The following NEUROD2 variants were observed in gnomAD, a reference collection of about 807,000 sequenced individuals.
The protein encoded by NEUROD2 is neuronal differentiation 2, also known as neurogenic differentiation factor 2.
Under a neutral mutation model 9.3 loss-of-function variants are expected in NEUROD2, and 5 were observed. That is an observed-to-expected ratio of 0.54 (90% CI 0.28 to 1.13). The LOEUF is 1.13. Ranked by LOEUF, NEUROD2 falls within the 50% of genes most tolerant of loss-of-function variation. The pLI, the probability that NEUROD2 is intolerant of heterozygous loss-of-function variation, is 0.10. For missense variants in NEUROD2, 376 were observed against 549.2 expected, an observed-to-expected ratio of 0.68 and a Z score of 3.15; for synonymous variants, 277 against 257.3, an observed-to-expected ratio of 1.08 and a Z score of -0.73.
chr17:39,606,705 C>G lies in NEUROD2; in HGVS notation c.-5-101G>C, dbSNP rs1364055719. On this transcript the variant is annotated intron_variant, in intron 1 of 1. Coordinates refer to ENST00000302584, the MANE Select transcript of NEUROD2 (RefSeq NM_006160.4). The surrounding 1 kb of genome is among the most constrained non-coding windows in gnomAD (Gnocchi z 7.8). ...CCACAACCCTCCTCCACCCCCGAGTCTCGTGCGGGCTCCTGCCTAGGCTAC... is the reference window on the plus strand; with the variant it reads ...CCACAACCCTCCTCCACCCCCGAGTGTCGTGCGGGCTCCTGCCTAGGCTAC... 10 of 1,247,358 alleles carry G rather than the reference C, an allele frequency of 8.0e-6. No homozygotes were observed. The highest frequency in any genetic ancestry group is 1.6e-5 in the African/African-American group (1 of 62,538). 77.3% of individuals were successfully genotyped at this position (1,247,358 alleles called of 1,614,324 possible). A position where few individuals can be genotyped will look rare whatever the true frequency, so the allele number is the denominator to read the frequency against.
At position 39,604,755 on chromosome 17, in the gene NEUROD2, CTTTTTTTTTTTTTTTTTTTTTTTTT is replaced by C. The variant is rs67001366; in HGVS notation, c.*671_*695del. On this transcript the variant is annotated 3_prime_UTR_variant, in exon 2 of 2. Transcript: ENST00000302584. ...GCGTTCGGCTTCCGTCGCCTCTTAG[CTTTTTTTTTTTTTTTTTTTTTTTTT>C]TTTTTTTTTTTTTTTGTATGTTTGT... is the stretch of plus-strand genomic sequence containing the variant. 2.2e-4 allele frequency: 5 copies of C among 22,344 alleles called. No homozygotes were observed. The highest frequency in any genetic ancestry group is 2.3e-3 in the South Asian group (1 of 432). The allele number at this position is 22,344 out of a possible 1,614,324, so 1.4% of individuals were successfully genotyped here.
rs1258364506 is a variant in NEUROD2 at position 39,603,802 on chromosome 17, T to C, written c.*1649A>G. 1 of 152,770 alleles carries C rather than the reference T, an allele frequency of 6.5e-6. No homozygotes were observed. Among genetic ancestry groups the C allele is most frequent in the Non-Finnish European group, 1.5e-5 (1 of 68,044 alleles). 9.5% of individuals were successfully genotyped at this position (152,770 alleles called of 1,614,324 possible). On this transcript the variant is annotated 3_prime_UTR_variant, in exon 2 of 2. Coordinates refer to ENST00000302584, the MANE Select transcript of NEUROD2 (RefSeq NM_006160.4). ...GCATCTCATTTACATAAATATTTATTAATCGTCATTAAACTGAACAGAAAC... is the reference window on the plus strand; with the variant it reads ...GCATCTCATTTACATAAATATTTATCAATCGTCATTAAACTGAACAGAAAC...
At position 39,605,487 on chromosome 17, in the gene NEUROD2, G is replaced by C; in HGVS notation, c.1113C>G (p.Pro371=). The change falls in exon 2 of 2, where the codon CCC becomes CCG. Residue 371 remains proline, a synonymous_variant. Transcript: ENST00000302584. The surrounding 1 kb of genome is among the most constrained non-coding windows in gnomAD (Gnocchi z 6.8). ...YDMHLHHDRG[P]MYEELNAFFH... ...AAAACGCATTGAGCTCCTCGTACATGGGGCCCCGGTCGTGGTGAAGGTGCA... is the reference window on the plus strand; with the variant it reads ...AAAACGCATTGAGCTCCTCGTACATCGGGCCCCGGTCGTGGTGAAGGTGCA... 1 of 1,606,350 alleles carries C rather than the reference G, an allele frequency of 6.2e-7. No homozygotes were observed. The highest frequency in any genetic ancestry group is 1.7e-4 in the Middle Eastern group (1 of 6,026).
In NEUROD2 at chr17:39,605,287, AC is replaced by A; in HGVS notation, c.*163del. 1.1e-6 allele frequency: 1 copy of A among 912,724 alleles called. No homozygotes were observed. Among genetic ancestry groups the A allele is most frequent in the East Asian group, 2.8e-5 (1 of 35,484 alleles). The allele number at this position is 912,724 out of a possible 1,614,324, so 56.5% of individuals were successfully genotyped here. A position where few individuals can be genotyped will look rare whatever the true frequency, so the allele number is the denominator to read the frequency against. On this transcript the variant is annotated 3_prime_UTR_variant, in exon 2 of 2. Coordinates refer to ENST00000302584, the MANE Select transcript of NEUROD2 (RefSeq NM_006160.4). The surrounding 1 kb of genome is among the most constrained non-coding windows in gnomAD (Gnocchi z 6.8). ...GGAAGCGAGGCCCCTGGGACAGGCC[AC>A]CCACAGGTAACAGGACTGCGCTGCC...
rs925523659 is a variant in NEUROD2 at position 39,607,657 on chromosome 17, C to G, written c.-6+71G>C. The G allele has an allele frequency of 6.1e-6, 6 of 985,138 alleles. No individual in the cohort carries two copies. In the South Asian group the frequency reaches 2.3e-4, roughly 39 times the overall value. 61.0% of individuals were successfully genotyped at this position (985,138 alleles called of 1,614,324 possible). A position where few individuals can be genotyped will look rare whatever the true frequency, so the allele number is the denominator to read the frequency against. ...CAGGAAGGAGGTATTTGAGGACCCT[C>G]CTGTCGGCCGAAGCTGCCGCCCCTC... On this transcript the variant is annotated intron_variant, in intron 1 of 1. Transcript: ENST00000302584.
intron 1 of NEUROD2, chr17:39,607,445 G>T: frequency 4.3e-6 from 1 of 231,620 alleles, no homozygotes; most frequent in Non-Finnish European, 7.1e-6. Flanking sequence ...CAGGCTTTTT[G>T]GGACAACCAT....
In NEUROD2 at chr17:39,606,478, G is replaced by A; in HGVS notation, c.122C>T (p.Pro41Leu). 1 of 1,536,720 alleles carries A rather than the reference G, an allele frequency of 6.5e-7. No homozygotes were observed. The highest frequency in any genetic ancestry group is 8.7e-7 in the Non-Finnish European group (1 of 1,147,700). ...CGGAGCCCCTGGCCCGGGCGCAGGC[G>A]GTGGCGGTGGCGGCGCGTCGCCCTT... ...SDKGDAPPPP[P>L]PAPGPGAPGP... is the part of the protein sequence containing the mutation. The change falls in exon 2 of 2, where the codon CCG (proline) becomes CTG (leucine). Residue 41 changes from proline to leucine, a missense_variant. By Grantham distance (98) the Pro-to-Leu change is moderately conservative. Transcript: ENST00000302584. The surrounding 1 kb of genome is among the most constrained non-coding windows in gnomAD (Gnocchi z 7.8).
At position 39,605,792 on chromosome 17, in the gene NEUROD2, A is replaced by G. The variant is rs1441867180; in HGVS notation, c.808T>C (p.Tyr270His). Residue 270 changes from tyrosine to histidine, a missense_variant, in exon 2 of 2, where the codon TAC (tyrosine) becomes CAC (histidine). Transcript: ENST00000302584. This position sits in a 1 kb window ranked among gnomAD's most constrained non-coding sequence, Gnocchi z 6.8. ...GAAHALRTHG[Y>H]CAAYETLYAA... ...TACAGCGTCTCGTAGGCGGCGCAGT[A>G]GCCGTGGGTCCGCAGGGCGTGCGCC... The G allele has an allele frequency of 7.1e-7, 1 of 1,407,686 alleles. No homozygotes were observed. The highest frequency in any genetic ancestry group is 9.2e-7 in the Non-Finnish European group (1 of 1,086,584). The allele number at this position is 1,407,686 out of a possible 1,614,324, so 87.2% of individuals were successfully genotyped here. A position where few individuals can be genotyped will look rare whatever the true frequency, so the allele number is the denominator to read the frequency against.
At position 39,605,695 on chromosome 17, in the gene NEUROD2, G is replaced by C. The variant is rs772966261; in HGVS notation, c.905C>G (p.Pro302Arg). ...SSEYEGPLSP[P>R]LCLNGNFSLK... The stretch of plus-strand genomic sequence containing the variant: ...TGAGAAGTTGCCATTGAGACAGAGC[G>C]GGGGGCTGAGCGGGCCCTCGTACTC... Residue 302 changes from proline (P) to arginine (R), a missense_variant, in exon 2 of 2, where the codon CCG becomes CGG. By Grantham distance (103) the Pro-to-Arg change is moderately radical. Coordinates refer to ENST00000302584, the MANE Select transcript of NEUROD2 (RefSeq NM_006160.4). This position sits in a 1 kb window ranked among gnomAD's most constrained non-coding sequence, Gnocchi z 6.8. 52 of 1,606,860 alleles carry C rather than the reference G, an allele frequency of 3.2e-5. No individual in the cohort carries two copies. Among genetic ancestry groups the C allele is most frequent in the East Asian group, 4.5e-5 (2 of 44,200 alleles).
At chr17:39,607,701 G>A (rs888318544) in intron 1 of NEUROD2, 27 bp downstream of exon 1, 12 of 959,080 alleles carry the variant, frequency 1.3e-5, no homozygotes, top group Non-Finnish European at 1.4e-5. Context: ...CGGCGGGTCA[G>A]ATCTCGCTCC....
chr17:39,605,311 G>T lies in NEUROD2; in HGVS notation c.*140C>A, dbSNP rs536857164. The T allele has an allele frequency of 2.5e-4, 292 of 1,179,106 alleles. 4 individuals are homozygous for T. In the South Asian group the frequency reaches 3.5e-3, roughly 14 times the overall value. The allele number at this position is 1,179,106 out of a possible 1,614,324, so 73.0% of individuals were successfully genotyped here. ...CACCCACAGGTAACAGGACTGCGCT[G>T]CCCCAGGAGAGCGGCAGGACCGGTG... is the stretch of plus-strand genomic sequence containing the variant. On this transcript the variant is annotated 3_prime_UTR_variant, in exon 2 of 2. Transcript: ENST00000302584. The surrounding 1 kb of genome is among the most constrained non-coding windows in gnomAD (Gnocchi z 6.8).
At position 39,606,554 on chromosome 17, in the gene NEUROD2, G is replaced by T; in HGVS notation, c.46C>A (p.Pro16Thr). Residue 16 changes from proline (P) to threonine (T), a missense_variant, in exon 2 of 2, where the codon CCC becomes ACC. Physicochemically the swap from Pro to Thr is conservative, Grantham distance 38 (BLOSUM62 -1). This residue lies in a region of NEUROD2 where 134 missense variants were observed against 133.6 expected (regional missense o/e 1.00). Transcript: ENST00000302584. The surrounding 1 kb of genome is among the most constrained non-coding windows in gnomAD (Gnocchi z 7.8). ...FSEPGLLSDV[P>T]KFASWGDGED... is the part of the protein sequence containing the mutation. Reference sequence around the variant, plus strand: ...CCGTCGCCCCAGCTGGCGAACTTGGGCACGTCCGAGAGAAGGCCGGGCTCG... The same window carrying T: ...CCGTCGCCCCAGCTGGCGAACTTGGTCACGTCCGAGAGAAGGCCGGGCTCG... 1 of 1,584,740 alleles carries T rather than the reference G, an allele frequency of 6.3e-7. No homozygotes were observed. The highest frequency in any genetic ancestry group is 1.1e-5 in the South Asian group (1 of 89,294).
In NEUROD2 at chr17:39,603,947, T is replaced by C. The variant is rs1435731951; in HGVS notation, c.*1504A>G. Reference sequence around the variant, plus strand: ...CCTGTGGGATTGCATTTTTGCATCGTGTATTTGGATGCCTGATCCCCTGCC... The same window carrying C: ...CCTGTGGGATTGCATTTTTGCATCGCGTATTTGGATGCCTGATCCCCTGCC... On this transcript the variant is annotated 3_prime_UTR_variant, in exon 2 of 2. Coordinates refer to ENST00000302584, the MANE Select transcript of NEUROD2 (RefSeq NM_006160.4). The C allele has an allele frequency of 6.5e-6, 1 of 152,700 alleles. No individual in the cohort carries two copies. The highest frequency in any genetic ancestry group is 1.9e-4 in the East Asian group (1 of 5,304). The allele number at this position is 152,700 out of a possible 1,614,324, so 9.5% of individuals were successfully genotyped here. A position where few individuals can be genotyped will look rare whatever the true frequency, so the allele number is the denominator to read the frequency against.
rs752144018 is a variant in NEUROD2 at position 39,606,528 on chromosome 17, G to C, written c.72C>G (p.Gly24=). The change falls in exon 2 of 2, where the codon GGC becomes GGG. Residue 24 remains glycine (G), a synonymous_variant. Coordinates refer to ENST00000302584, the MANE Select transcript of NEUROD2 (RefSeq NM_006160.4). The surrounding 1 kb of genome is among the most constrained non-coding windows in gnomAD (Gnocchi z 7.8). ...TGTCGCTCCTCGGCTCGTCGTCTTC[G>C]CCGTCGCCCCAGCTGGCGAACTTGG... is the stretch of plus-strand genomic sequence containing the variant. ...DVPKFASWGD[G]EDDEPRSDKG... 2.1e-5 allele frequency: 33 copies of C among 1,571,876 alleles called. No individual in the cohort carries two copies. The highest frequency in any genetic ancestry group is 2.7e-5 in the Non-Finnish European group (31 of 1,168,594).
rs760428756 is a variant in NEUROD2 at position 39,606,497 on chromosome 17, C to A, written c.103G>T (p.Asp35Tyr). 6.5e-7 allele frequency: 1 copy of A among 1,546,940 alleles called. No individual in the cohort carries two copies. Among genetic ancestry groups the A allele is most frequent in the Non-Finnish European group, 8.7e-7 (1 of 1,153,452 alleles). ...EDDEPRSDKG[D>Y]APPPPPPAPG... Reference sequence around the variant, plus strand: ...GCAGGCGGTGGCGGTGGCGGCGCGTCGCCCTTGTCGCTCCTCGGCTCGTCG... The same window carrying A: ...GCAGGCGGTGGCGGTGGCGGCGCGTAGCCCTTGTCGCTCCTCGGCTCGTCG... Residue 35 changes from aspartate to tyrosine, a missense_variant, in exon 2 of 2, where the codon GAC becomes TAC. This residue lies in a region of NEUROD2 where 134 missense variants were observed against 133.6 expected (regional missense o/e 1.00). Transcript: ENST00000302584. The surrounding 1 kb of genome is among the most constrained non-coding windows in gnomAD (Gnocchi z 7.8).
chr17:39,606,860 G>T lies in NEUROD2; in HGVS notation c.-5-256C>A. Reference sequence around the variant, plus strand: ...CGGCTCCGCCCCTCGCTTGAATGGGGGGCTGCTCCCCGCGCCTGCTTCTTC... The same window carrying T: ...CGGCTCCGCCCCTCGCTTGAATGGGTGGCTGCTCCCCGCGCCTGCTTCTTC... On this transcript the variant is annotated intron_variant, in intron 1 of 1. Coordinates refer to ENST00000302584, the MANE Select transcript of NEUROD2 (RefSeq NM_006160.4). The surrounding 1 kb of genome is among the most constrained non-coding windows in gnomAD (Gnocchi z 7.8). 8.8e-6 allele frequency: 4 copies of T among 454,052 alleles called. No individual in the cohort carries two copies. Among genetic ancestry groups the T allele is most frequent in the Non-Finnish European group, 1.5e-5 (4 of 259,660 alleles). The allele number at this position is 454,052 out of a possible 1,614,324, so 28.1% of individuals were successfully genotyped here.
chr17:39,605,740 C>A lies in NEUROD2; in HGVS notation c.860G>T (p.Ser287Ile), dbSNP rs753063926. 2 of 1,508,812 alleles carry A rather than the reference C, an allele frequency of 1.3e-6. No homozygotes were observed. Among genetic ancestry groups the A allele is most frequent in the Admixed American group, 4.5e-5 (2 of 44,884 alleles). 93.5% of individuals were successfully genotyped at this position (1,508,812 alleles called of 1,614,324 possible). A position where few individuals can be genotyped will look rare whatever the true frequency, so the allele number is the denominator to read the frequency against. ...LYAAAGGGGA[S>I]PDYNSSEYEG... is the part of the protein sequence containing the mutation. ...GTACTCGGAGCTGTTGTAGTCCGGG[C>A]TCGCGCCGCCACCGCCTGCCGCCGC... Residue 287 changes from serine (S) to isoleucine (I), a missense_variant, in exon 2 of 2, where the codon AGC becomes ATC. Ser to Ile is a moderately radical substitution (Grantham distance 142). Coordinates refer to ENST00000302584, the MANE Select transcript of NEUROD2 (RefSeq NM_006160.4). This position sits in a 1 kb window ranked among gnomAD's most constrained non-coding sequence, Gnocchi z 6.8.
At position 39,604,121 on chromosome 17, in the gene NEUROD2, G is replaced by GT. The variant is rs2056755743; in HGVS notation, c.*1329_*1330insA. On this transcript the variant is annotated 3_prime_UTR_variant, in exon 2 of 2. Coordinates refer to ENST00000302584, the MANE Select transcript of NEUROD2 (RefSeq NM_006160.4). ...CTCCAGACACCGGAAATCGCCAGGT[G>GT]GCACCCACCGAGGCACAGTCCGGGC... 6.5e-6 allele frequency: 1 copy of GT among 152,838 alleles called. No homozygotes were observed. Among genetic ancestry groups the GT allele is most frequent in the East Asian group, 1.9e-4 (1 of 5,258 alleles). The allele number at this position is 152,838 out of a possible 1,614,324, so 9.5% of individuals were successfully genotyped here.
At position 39,605,919 on chromosome 17, in the gene NEUROD2, G is replaced by A. The variant is rs756187361; in HGVS notation, c.681C>T (p.Phe227=). 6.2e-7 allele frequency: 1 copy of A among 1,609,782 alleles called. No individual in the cohort carries two copies. Among genetic ancestry groups the A allele is most frequent in the Non-Finnish European group, 8.5e-7 (1 of 1,178,824 alleles). The change falls in exon 2 of 2, where the codon TTC becomes TTT. Residue 227 remains phenylalanine (F), a synonymous_variant. Transcript: ENST00000302584. The surrounding 1 kb of genome is among the most constrained non-coding windows in gnomAD (Gnocchi z 6.8). ...TGGCGAACGGGCCGCCCGAGCCGTG[G>A]AAGCGGCCGGCACCGTCGGCGCCTT... ...TEQGADGAGR[F]HGSGGPFAMH...
Sources: gnomAD v4.1 joint callset for allele counts on GRCh38, gnomAD v4.1.1 for gene constraint, gnomAD v4.1.1 regional missense constraint, Gnocchi (gnomAD v3.1) non-coding constraint, MANE v1.5 for transcripts, NCBI Gene and HGNC (gene_info 2026-07-23, HGNC 2026-07-21) for gene names.